Variants in TSC2 observed in about 807,000 individuals in gnomAD.
TSC2 encodes the protein tuberin.
Under a neutral mutation model 202.2 loss-of-function variants are expected in TSC2, and 29 were observed. The ratio of observed to expected loss-of-function variants is 0.14; its 90% CI spans 0.11 to 0.20. TSC2 has a LOEUF of 0.20. Among genes scored for constraint, TSC2 ranks in the 10% least tolerant of loss-of-function variants. The pLI is 1.00. For missense variants in TSC2, 2,429 were observed against 2,420.0 expected (o/e 1.00, Z -0.08); for synonymous variants, 1,349 against 1,044.0 (o/e 1.29, Z -5.63).
rs1299521085 is a variant in TSC2, at chr16:2,056,781, G to A, written c.774+12G>A. 3 of 1,606,050 alleles carry A rather than the reference G, an allele frequency of 1.9e-6. No individual in the cohort carries two copies. The highest frequency in any genetic ancestry group is 2.7e-5 in the African/African-American group (2 of 74,940). On this transcript the variant is annotated intron_variant, in intron 8 of 41. Transcript: ENST00000219476. ...AGCCTTGCTGGAAGGTGGGGTTTCTGAAACTGCTCTGGAAGGTTCCTGAGA... is the reference window on the plus strand; with the variant it reads ...AGCCTTGCTGGAAGGTGGGGTTTCTAAAACTGCTCTGGAAGGTTCCTGAGA...
intron 2 of TSC2, 112 bp downstream of exon 2, chr16:2,048,865 G>T: frequency 6.8e-7 from 1 of 1,476,390 alleles, no homozygotes; most frequent in Non-Finnish European, 9.4e-7. Flanking sequence ...GTCTACACAG[G>T]AATGCTGTCT....
chr16:2,055,905 A>G, intron 6 of TSC2: 1 of 523,516 alleles, frequency 1.9e-6, no homozygotes. Flanking sequence ...AAAAAAAAAA[A>G]AAAAGAGAAG....
chr16:2,074,811 G>GCTCA, intron 22 of TSC2: 1 of 295,830 alleles, frequency 3.4e-6, no homozygotes, highest in South Asian at 3.6e-5. Context: ...ATGGCAGAAG[G>GCTCA]GCACTGCTGG....
intron 32 of TSC2, chr16:2,082,758 A>T: frequency 1.7e-6 from 1 of 581,836 alleles, no homozygotes; most frequent in Non-Finnish European, 3.1e-6. Context: ...TTCAGGCCTG[A>T]GGGGTGGGGG....
At chr16:2,085,654 G>A (rs983201344) in intron 36 of TSC2, among the ~76,000 whole-genome samples, 2 of 152,166 alleles carry the variant, frequency 1.3e-5, no homozygotes, top group Non-Finnish European at 2.9e-5. Flanking sequence ...TGCATAAGGG[G>A]TGGGGGCATC....
Position 2,079,637 on chromosome 16 carries a change from G to C in TSC2, c.3365G>C (p.Arg1122Pro), listed in dbSNP as rs369536711. The C allele has an allele frequency of 3.1e-6, 5 of 1,607,174 alleles. No homozygotes were observed. Among genetic ancestry groups the C allele is most frequent in the East Asian group, 2.2e-5 (1 of 44,654 alleles). ...TCCCAGGCTGGGCAGCAGGTGTCCCGTGGGGCCCGGGATCGGGTCCGTTCC... is the reference window on the plus strand; with the variant it reads ...TCCCAGGCTGGGCAGCAGGTGTCCCCTGGGGCCCGGGATCGGGTCCGTTCC... ...LESQAGQQVSRGARDRVRSMS... is the reference protein window; with the variant it reads ...LESQAGQQVSPGARDRVRSMS... Residue 1122 changes from arginine to proline, a missense_variant, in exon 29 of 42, where the codon CGT (arginine) becomes CCT (proline). By Grantham distance (103) the Arg-to-Pro change is moderately radical (BLOSUM62 -2). Transcript: ENST00000219476. The surrounding 1 kb of genome is among the most constrained non-coding windows in gnomAD (Gnocchi z 4.6).
rs1000921857 is a variant in TSC2 at position 2,054,439 on chromosome 16, G to A, written c.480G>A (p.Leu160=). 1 of 1,614,190 alleles carries A rather than the reference G, an allele frequency of 6.2e-7. No homozygotes were observed. The change falls in exon 5 of 42, where the codon CTG becomes CTA. Residue 160 remains leucine (L), a splice_region_variant and synonymous_variant. Transcript: ENST00000219476. Reference sequence around the variant, plus strand: ...ACATCACCTACTTGGAGGAAGAGCTGGGTGGGTGCCACCTTGGGTTGGAGG... The same window carrying A: ...ACATCACCTACTTGGAGGAAGAGCTAGGTGGGTGCCACCTTGGGTTGGAGG... ...GRHITYLEEE[L]ADFVLQWMDV... is the part of the protein sequence containing the mutation.
intron 25 of TSC2, 145 bp from the exon 26 acceptor site, chr16:2,077,453 C>T (rs939858909): frequency 1.6e-6 from 2 of 1,212,890 alleles, no homozygotes; most frequent in Non-Finnish European, 2.4e-6. Flanking sequence ...TTTGGCATGG[C>T]TCTTTTTGCT....
In TSC2 at chr16:2,074,383, C is replaced by T. The variant is rs377300009; in HGVS notation, c.2539C>T (p.Leu847=). 1.2e-4 allele frequency: 200 copies of T among 1,610,698 alleles called. 3 individuals carry two copies. The Middle Eastern group carries it at 2.3e-3, about 19-fold the overall frequency. ...ASMAVPLLEF[L]STLARLPHLY... is the part of the protein sequence containing the mutation. The stretch of plus-strand genomic sequence containing the variant: ...CATGGCCGTCCCACTGCTGGAGTTC[C>T]TGTCCAGTGAGTCCCCGCCCTGCCT... The change falls in exon 22 of 42, where the codon CTG becomes TTG. Residue 847 remains leucine (L), a synonymous_variant. Coordinates refer to ENST00000219476, the MANE Select transcript of TSC2 (RefSeq NM_000548.5).
At chr16:2,048,441 T>C (rs2084638366) in intron 1 of TSC2, 146 bp from the exon 2 acceptor site, 1 of 1,071,880 alleles carries the variant, frequency 9.3e-7, no homozygotes, top group Non-Finnish European at 1.4e-6. Context: ...GCTGGTCAGC[T>C]GGGCTGTAGT....
intron 17 of TSC2, among the ~76,000 whole-genome samples, chr16:2,070,903 G>A (rs1402899773): frequency 6.6e-6 from 1 of 152,244 alleles, no homozygotes; most frequent in East Asian, 1.9e-4. Context: ...TGCAGCAGAG[G>A]GCTGGGCAGG....
chr16:2,062,718 G>C, intron 13 of TSC2, 118 bp downstream of exon 13: 1 of 1,173,390 alleles, frequency 8.5e-7, no homozygotes, highest in Non-Finnish European at 1.2e-6. Context: ...TCTGCCTCTG[G>C]AGAGCCCTGG....
rs767575726 is a variant in TSC2 at position 2,047,989 on chromosome 16, C to A, written c.-106C>A. ...GCTACCGGAAGTGCGGGTCGCGCTT[C>A]CGGCGGCGTCCCGGGGCCAGGGGGG... On this transcript the variant is annotated 5_prime_UTR_variant, in exon 1 of 42. Coordinates refer to ENST00000219476, the MANE Select transcript of TSC2 (RefSeq NM_000548.5). 4.4e-5 allele frequency: 66 copies of A among 1,511,452 alleles called. No homozygotes were observed. The highest frequency in any genetic ancestry group is 5.8e-5 in the Non-Finnish European group (66 of 1,131,986). 93.6% of individuals were successfully genotyped at this position (1,511,452 alleles called of 1,614,324 possible).
At chr16:2,071,317 G>C (rs994460690) in intron 17 of TSC2, 193 bp from the exon 18 acceptor site, 1 of 650,296 alleles carries the variant, frequency 1.5e-6, no homozygotes, top group African/African-American at 1.8e-5. Flanking sequence ...GGAGGGAGGA[G>C]GCTGTGGGTG....
chr16:2,069,339 T>TG (rs1299929672), intron 16 of TSC2, among the ~76,000 whole-genome samples: 4 of 152,182 alleles, frequency 2.6e-5, no homozygotes, highest in Non-Finnish European at 4.4e-5. Context: ...TTTTTTGAGA[T>TG]GGAGTCTCGC....
chr16:2,052,991 C>G (rs1345086467), intron 3 of TSC2, among the ~76,000 whole-genome samples: 1 of 152,180 alleles, frequency 6.6e-6, no homozygotes, highest in Admixed American at 6.5e-5. Context: ...TGAGACTGTC[C>G]CATGACTTCC....
rs1318655892 is a variant in TSC2 at position 2,070,547 on chromosome 16, C to A, written c.1808C>A (p.Thr603Asn). Residue 603 changes from threonine to asparagine, a missense_variant, in exon 17 of 42, where the codon ACC (threonine) becomes AAC (asparagine). Coordinates refer to ENST00000219476, the MANE Select transcript of TSC2 (RefSeq NM_000548.5). ...CAGCTCCACTACAAGCACAGCTACA[C>A]CCTGCCAATCGCGAGCAGCATCCGG... Reference protein sequence around the residue: ...HIQLHYKHSYTLPIASSIRLQ... With the variant: ...HIQLHYKHSYNLPIASSIRLQ... 1 of 1,613,270 alleles carries A rather than the reference C, an allele frequency of 6.2e-7. No individual in the cohort carries two copies. Among genetic ancestry groups the A allele is most frequent in the Non-Finnish European group, 8.5e-7 (1 of 1,180,044 alleles).
At chr16:2,085,196 G>A (rs759377620) in intron 35 of TSC2, 34 bp from the exon 36 acceptor site, 11 of 1,612,220 alleles carry the variant, frequency 6.8e-6, no homozygotes, top group East Asian at 2.2e-5. Flanking sequence ...GTGGACGGGC[G>A]TCTGGGGCTC....
chr16:2,081,326 C>G (rs754698736), intron 30 of TSC2: 3 of 526,580 alleles, frequency 5.7e-6, no homozygotes, highest in Non-Finnish European at 1.0e-5. Context: ...TTCCAGCCCT[C>G]GTGGAGGCCT....
Sources: allele counts gnomAD v4.1 joint callset (sites outside exome capture counted in the v4.1 genomes callset), GRCh38; gene constraint gnomAD v4.1.1; non-coding constraint Gnocchi (gnomAD v3.1); transcripts MANE v1.5; gene names NCBI Gene and HGNC (gene_info 2026-07-23, HGNC 2026-07-21).